RUNDC3B: variants seen among roughly 807,000 people sequenced by gnomAD.
RUNDC3B encodes the protein RUN domain-containing protein 3B.
A neutral mutation model predicts 58.4 loss-of-function variants in RUNDC3B; 33 were observed. The observed-to-expected ratio is 0.56, with a 90% CI of 0.43 to 0.75. RUNDC3B has a LOEUF of 0.75. Ranked by LOEUF, RUNDC3B falls within the 30% of genes least tolerant of loss-of-function variation. The pLI is 0.00. For missense variants in RUNDC3B, 501 were observed against 535.7 expected, an observed-to-expected ratio of 0.94 and a Z score of 0.64; for synonymous variants, 193 against 195.2, an observed-to-expected ratio of 0.99 and a Z score of 0.10.
chr7:87,702,014 G>A (rs1205166109), intron 3 of RUNDC3B, among the ~76,000 whole-genome samples: 5 of 151,552 alleles, frequency 3.3e-5, no homozygotes, highest in Admixed American at 3.3e-4. Context: ...GTGGTGGTGG[G>A]CACCTGTAAT....
At chr7:87,701,485 T>C (rs1198183832) in intron 3 of RUNDC3B, among the ~76,000 whole-genome samples, 1 of 152,220 alleles carries the variant, frequency 6.6e-6, no homozygotes, top group Non-Finnish European at 1.5e-5. Flanking sequence ...GTGTCAACAT[T>C]TGATGGAACT....
intron 1 of RUNDC3B, among the ~76,000 whole-genome samples, chr7:87,647,677 A>G (rs191251561): frequency 7.2e-5 from 11 of 152,286 alleles, no homozygotes; most frequent in Admixed American, 2.0e-4. Context: ...TTACCATTGT[A>G]ATTCAGTTGT....
At chr7:87,767,132 C>T (rs1206025815) in intron 6 of RUNDC3B, among the ~76,000 whole-genome samples, 3 of 152,124 alleles carry the variant, frequency 2.0e-5, no homozygotes, top group Non-Finnish European at 4.4e-5. Flanking sequence ...TCTTTCAGGT[C>T]CTGAATTGTT....
chr7:87,640,632 A>T (rs1822350649), intron 1 of RUNDC3B, among the ~76,000 whole-genome samples: 1 of 152,192 alleles, frequency 6.6e-6, no homozygotes, highest in Non-Finnish European at 1.5e-5. Context: ...GGCATGAGCC[A>T]CCACGTGTGT....
chr7:87,797,188 A>C (rs1835867912), intron 8 of RUNDC3B, among the ~76,000 whole-genome samples: 1 of 152,328 alleles, frequency 6.6e-6, no homozygotes, highest in Admixed American at 6.5e-5. Context: ...TATAGACTGC[A>C]TCATAAAATA....
Position 87,755,295 on chromosome 7 carries a change from A to G in RUNDC3B, c.629+13716A>G, listed in dbSNP as rs141063654. 2.5e-3 allele frequency among the ~76,000 whole-genome samples: 375 copies of G among 152,244 alleles called. 14 individuals carry two copies. The East Asian group carries it at 0.057, about 23-fold the overall frequency. Reference sequence around the variant, plus strand: ...CTTGGCCTCCCAGAGTCCTGGGATTACAGGTGTGAGCCACCATGCCTGGCC... The same window carrying G: ...CTTGGCCTCCCAGAGTCCTGGGATTGCAGGTGTGAGCCACCATGCCTGGCC... On this transcript the variant is annotated intron_variant, in intron 6 of 10. Coordinates refer to ENST00000394654, the MANE Select transcript of RUNDC3B (RefSeq NM_001134405.2).
chr7:87,669,942 G>A (rs116792269), intron 2 of RUNDC3B, among the ~76,000 whole-genome samples: 167 of 152,268 alleles, frequency 1.1e-3, no homozygotes, highest in African/African-American at 3.9e-3. Flanking sequence ...CTGATGACAT[G>A]TGTTTTGGGG....
intron 10 of RUNDC3B, among the ~76,000 whole-genome samples, chr7:87,819,806 G>A (rs936941757): frequency 1.3e-5 from 2 of 152,150 alleles, no homozygotes; most frequent in Non-Finnish European, 2.9e-5. Flanking sequence ...ATAACGAAAT[G>A]AAGGCAGAAA....
intron 7 of RUNDC3B, among the ~76,000 whole-genome samples, chr7:87,773,829 C>T (rs1345577203): frequency 6.6e-6 from 1 of 152,052 alleles, no homozygotes; most frequent in Non-Finnish European, 1.5e-5. Context: ...AGGCATGTGA[C>T]ACCACACCTG....
chr7:87,741,086 T>C (rs561755222), intron 5 of RUNDC3B, among the ~76,000 whole-genome samples: 2 of 151,640 alleles, frequency 1.3e-5, no homozygotes, highest in African/African-American at 4.9e-5. Flanking sequence ...GTGCCTGTAA[T>C]CCCAGCTACC....
At position 87,739,869 on chromosome 7, in the gene RUNDC3B, T is replaced by C. The variant is rs1156473753; in HGVS notation, c.537T>C (p.Ala179=). 6.5e-7 allele frequency: 1 copy of C among 1,548,714 alleles called. No homozygotes were observed. The highest frequency in any genetic ancestry group is 8.9e-7 in the Non-Finnish European group (1 of 1,129,710). Reference sequence around the variant, plus strand: ...CTGGCATGCTTCTAGGACTCAATGCTATTGATTTCAGGTACTTAACCAAAT... The same window carrying C: ...CTGGCATGCTTCTAGGACTCAATGCCATTGATTTCAGGTACTTAACCAAAT... ...MLAGMLLGLN[A]IDFSFCLKGE... is the part of the protein sequence containing the mutation. The change falls in exon 5 of 11, where the codon GCT becomes GCC. Residue 179 remains alanine, a synonymous_variant. Transcript: ENST00000394654.
At chr7:87,712,614 C>G (rs1258690279) in intron 4 of RUNDC3B, among the ~76,000 whole-genome samples, 1 of 151,892 alleles carries the variant, frequency 6.6e-6, no homozygotes, top group East Asian at 1.9e-4. Context: ...AGAAATAATT[C>G]TTCAATAGAT....
intron 2 of RUNDC3B, among the ~76,000 whole-genome samples, chr7:87,659,495 T>G (rs1273132005): frequency 6.6e-5 from 10 of 152,174 alleles, no homozygotes; most frequent in Admixed American, 2.0e-4. Flanking sequence ...CTACCCTGTG[T>G]GTGTAGCATA....
At chr7:87,688,117 A>G (rs1354210534) in intron 2 of RUNDC3B, among the ~76,000 whole-genome samples, 1 of 152,160 alleles carries the variant, frequency 6.6e-6, no homozygotes, top group East Asian at 1.9e-4. Flanking sequence ...GGCCACTCTG[A>G]GAAACACCCT....
chr7:87,813,894 T>G (rs1836871052), intron 9 of RUNDC3B, among the ~76,000 whole-genome samples: 1 of 149,920 alleles, frequency 6.7e-6, no homozygotes, highest in African/African-American at 2.5e-5. Flanking sequence ...GGCAGGAGAA[T>G]GGCATGAACC....
chr7:87,814,308 C>T (rs950102839), intron 9 of RUNDC3B, among the ~76,000 whole-genome samples: 8 of 152,070 alleles, frequency 5.3e-5, no homozygotes, highest in African/African-American at 1.9e-4. Context: ...CCATGTTGGT[C>T]AGGCTGGTCT....
At chr7:87,754,426 G>GCTA (rs1182854513) in intron 6 of RUNDC3B, among the ~76,000 whole-genome samples, 2 of 152,160 alleles carry the variant, frequency 1.3e-5, no homozygotes, top group Non-Finnish European at 2.9e-5. Flanking sequence ...GAATCTGTGG[G>GCTA]ACAGAGCTAA....
chr7:87,808,460 C>A (rs146271532), intron 9 of RUNDC3B, among the ~76,000 whole-genome samples: 1 of 152,098 alleles, frequency 6.6e-6, no homozygotes, highest in Non-Finnish European at 1.5e-5. Flanking sequence ...ACCTGCTTTA[C>A]TCTGTGATGT....
intron 1 of RUNDC3B, among the ~76,000 whole-genome samples, chr7:87,648,723 A>G (rs951648447): frequency 3.9e-5 from 6 of 152,166 alleles, no homozygotes; most frequent in Non-Finnish European, 5.9e-5. Context: ...AACTGGTTGT[A>G]AGAAAGTTTT....
Sources: allele counts gnomAD v4.1 joint callset (sites outside exome capture counted in the v4.1 genomes callset), GRCh38; gene constraint gnomAD v4.1.1; transcripts MANE v1.5; gene names NCBI Gene and HGNC (gene_info 2026-07-23, HGNC 2026-07-21).